WDR49: variants seen among roughly 807,000 people sequenced by gnomAD.
The protein encoded by WDR49 is WD repeat domain 49.
A neutral mutation model predicts 119.5 loss-of-function variants in WDR49; 107 were observed. The ratio of observed to expected loss-of-function variants is 0.90; its 90% confidence interval spans 0.77 to 1.05. The LOEUF (loss-of-function observed/expected upper bound fraction) is 1.05. WDR49 is among the 50% of genes least tolerant of loss of function. The pLI, the probability that WDR49 is intolerant of heterozygous loss-of-function variation, is 0.00. For missense variants in WDR49, 1,240 were observed against 1,220.5 expected, an observed-to-expected ratio of 1.02 and a Z score of -0.24; for synonymous variants, 425 against 418.8, an observed-to-expected ratio of 1.01 and a Z score of -0.18.
chr3:167,583,315 C>T (rs145121123), intron 7 of WDR49, among the ~76,000 whole-genome samples: 5 of 152,182 alleles, frequency 3.3e-5, no homozygotes, highest in African/African-American at 1.2e-4. Flanking sequence ...AAAGCAGCTA[C>T]AGCATGAGAA....
chr3:167,600,488 A>G (rs750293448), intron 7 of WDR49, among the ~76,000 whole-genome samples: 1 of 152,132 alleles, frequency 6.6e-6, no homozygotes. Flanking sequence ...TTTGGTTCTT[A>G]TGAAGGTGTT....
chr3:167,657,350 T>C (rs941538038), upstream of WDR49, among the ~76,000 whole-genome samples: 4 of 152,186 alleles, frequency 2.6e-5, no homozygotes, highest in African/African-American at 9.6e-5. Context: ...CCAAAAAAGC[T>C]TCCAACTTAT....
At chr3:167,584,745 A>G (rs1714719458) in intron 7 of WDR49, among the ~76,000 whole-genome samples, 1 of 152,130 alleles carries the variant, frequency 6.6e-6, no homozygotes. Flanking sequence ...CTACACAAAA[A>G]TGAACCATAA....
rs1222900947 is a variant in WDR49 at position 167,621,672 on chromosome 3, G to A, written c.607-29C>T. 10 of 1,501,398 alleles carry A rather than the reference G, an allele frequency of 6.7e-6. No individual in the cohort carries two copies. The Admixed American group carries it at 8.8e-5, about 13-fold the overall frequency. 93.0% of individuals were successfully genotyped at this position (1,501,398 alleles called of 1,614,324 possible). A position where few individuals can be genotyped will look rare whatever the true frequency, so the allele number is the denominator to read the frequency against. On this transcript the variant is annotated intron_variant, in intron 3 of 18. Transcript: ENST00000682715. ...AAGTAGCAGAGTAGAAAATCAGAAAGTAATTCTGATGGATTTAGCAAAATT... is the reference window on the plus strand; with the variant it reads ...AAGTAGCAGAGTAGAAAATCAGAAAATAATTCTGATGGATTTAGCAAAATT...
At chr3:167,606,369 T>A (rs1316244090) in intron 5 of WDR49, among the ~76,000 whole-genome samples, 8 of 152,128 alleles carry the variant, frequency 5.3e-5, no homozygotes, top group Non-Finnish European at 1.0e-4. Context: ...GGAACTTAAG[T>A]GATAAACCTC....
chr3:167,533,090 T>G (rs952901540), intron 11 of WDR49, 113 bp from the exon 12 acceptor site: 3 of 596,380 alleles, frequency 5.0e-6, no homozygotes, highest in Non-Finnish European at 8.5e-6. Flanking sequence ...ATATGGCACA[T>G]AGTGGGCACT....
At chr3:167,540,054 A>AG (rs1711689191) in intron 10 of WDR49, among the ~76,000 whole-genome samples, 1 of 152,160 alleles carries the variant, frequency 6.6e-6, no homozygotes, top group Non-Finnish European at 1.5e-5. Context: ...GTGCTTTCTC[A>AG]AAAGCACCAC....
Position 167,536,871 on chromosome 3 carries a change from C to T in WDR49, c.1953G>A (p.Thr651=), listed in dbSNP as rs201126166. Residue 651 remains threonine (T), a splice_region_variant and synonymous_variant, in exon 11 of 19, where the codon ACG becomes ACA. Coordinates refer to ENST00000682715, the MANE Select transcript of WDR49 (RefSeq NM_001366157.1). ...TTGTCAAGTGAAAGTTCAATTTACCCGTAACAAGAGTTTGTGGAGGTAAAA... is the reference window on the plus strand; with the variant it reads ...TTGTCAAGTGAAAGTTCAATTTACCTGTAACAAGAGTTTGTGGAGGTAAAA... ...AAFLPPQTLV[T]GSYDGEIVLW... The T allele has an allele frequency of 1.5e-5, 23 of 1,491,998 alleles. No individual in the cohort carries two copies. Among genetic ancestry groups the T allele is most frequent in the African/African-American group, 4.3e-5 (3 of 70,344 alleles). The allele number at this position is 1,491,998 out of a possible 1,614,324, so 92.4% of individuals were successfully genotyped here.
rs78280160 is a variant in WDR49 at position 167,623,247 on chromosome 3, G to T, written c.607-1604C>A. Among the ~76,000 whole-genome samples, 707 of 152,084 alleles carry T rather than the reference G, an allele frequency of 4.6e-3. 4 individuals carry two copies. The highest frequency in any genetic ancestry group is 0.016 in the African/African-American group (664 of 41,520). On this transcript the variant is annotated intron_variant, in intron 3 of 18. Transcript: ENST00000682715. ...GACATCACAAGAAAAGAAAACTGCAGATCTATACATCTTACGAATACAAAT... is the reference window on the plus strand; with the variant it reads ...GACATCACAAGAAAAGAAAACTGCATATCTATACATCTTACGAATACAAAT...
chr3:167,498,992 C>G (rs1560251901), intron 18 of WDR49, among the ~76,000 whole-genome samples: 2 of 152,088 alleles, frequency 1.3e-5, no homozygotes, highest in African/African-American at 4.8e-5. Context: ...TCTGAGCCCC[C>G]AAAAGAGCCC....
At chr3:167,578,371 TTCTTTTAC>T (rs1377173312) in intron 7 of WDR49, among the ~76,000 whole-genome samples, 1 of 152,156 alleles carries the variant, frequency 6.6e-6, no homozygotes, top group Non-Finnish European at 1.5e-5. Context: ...AGAGATGGCC[TTCTTTTAC>T]TCTTTTACTC....
At chr3:167,626,732 T>C in intron 3 of WDR49, 120 bp downstream of exon 3, 2 of 770,478 alleles carry the variant, frequency 2.6e-6, no homozygotes, top group Non-Finnish European at 3.5e-6. Context: ...CTGTTCTCCC[T>C]CCAGGTCAGG....
At chr3:167,620,394 G>A in intron 5 of WDR49, 35 bp downstream of exon 5, 1 of 1,517,612 alleles carries the variant, frequency 6.6e-7, no homozygotes, top group East Asian at 2.5e-5. Context: ...AGTCAGAGGT[G>A]ACCATTTACT....
chr3:167,625,551 T>C lies in WDR49; in HGVS notation c.606+1301A>G, dbSNP rs75532908. Among the ~76,000 whole-genome samples the C allele has an allele frequency of 7.7e-3, 1,167 of 152,148 alleles. 17 individuals carry two copies. Among genetic ancestry groups the C allele is most frequent in the African/African-American group, 0.024 (1,004 of 41,518 alleles). On this transcript the variant is annotated intron_variant, in intron 3 of 18. Coordinates refer to ENST00000682715, the MANE Select transcript of WDR49 (RefSeq NM_001366157.1). The stretch of plus-strand genomic sequence containing the variant: ...CTGAAAAATTAATGGGTTTATTTCT[T>C]TCTTATAGAGGTATTCTAGCTTAAA...
chr3:167,569,435 A>G (rs1323842194), intron 8 of WDR49, among the ~76,000 whole-genome samples: 3 of 152,108 alleles, frequency 2.0e-5, no homozygotes. Context: ...CATTCATTCT[A>G]TGTATAATAT....
At chr3:167,554,890 T>C (rs1258285228) in intron 9 of WDR49, 92 bp from the exon 10 acceptor site, 2 of 932,554 alleles carry the variant, frequency 2.1e-6, no homozygotes, top group African/African-American at 3.4e-5. Flanking sequence ...ATGTAATCAT[T>C]AAAGAAAATC....
At chr3:167,656,301 T>C (rs6444473), upstream of WDR49, among the ~76,000 whole-genome samples, 87,639 of 152,088 alleles carry the variant, frequency 0.58, 28,044 homozygotes, top group African/African-American at 0.87. Context: ...TGTCTTCTTA[T>C]CACCCTAGTT....
At chr3:167,533,265 TG>T (rs1386145068) in intron 11 of WDR49, among the ~76,000 whole-genome samples, 2 of 152,140 alleles carry the variant, frequency 1.3e-5, no homozygotes, top group Admixed American at 6.6e-5. Flanking sequence ...AATAAAAAAC[TG>T]GAGCTTGAGT....
At chr3:167,489,803 T>C (rs972407753) in intron 18 of WDR49, among the ~76,000 whole-genome samples, 1 of 152,158 alleles carries the variant, frequency 6.6e-6, no homozygotes, top group East Asian at 1.9e-4. Context: ...AATGACTACC[T>C]GTCTATGAGT....
Sources: gnomAD v4.1 joint callset for allele counts (sites outside exome capture counted in the v4.1 genomes callset) on GRCh38, gnomAD v4.1.1 for gene constraint, MANE v1.5 for transcripts, NCBI Gene and HGNC (gene_info 2026-07-23, HGNC 2026-07-21) for gene names.